NXPE2: variants seen among roughly 807,000 people sequenced by gnomAD.
NXPE2 encodes the protein NXPE family member 2.
A neutral mutation model predicts 34.4 loss-of-function variants in NXPE2; 34 were observed. That is an observed-to-expected ratio of 0.99 (90% CI 0.75 to 1.31). The LOEUF is 1.31. NXPE2 is among the 40% of genes most tolerant of loss of function. The pLI is 0.00. For synonymous variants in NXPE2, 235 were observed against 231.3 expected (o/e 1.02, Z -0.15); for missense variants, 649 against 672.5 (o/e 0.97, Z 0.39).
chr11:114,540,647 T>C, the NXPE2 span, among the ~76,000 whole-genome samples: 1 of 151,912 alleles, frequency 6.6e-6, no homozygotes, highest in South Asian at 2.1e-4. Context: ...GATTGCAATG[T>C]TCAACTCTGA....
At chr11:114,522,574 C>A in the NXPE2 span, 45 of 1,301,858 alleles carry the variant, frequency 3.5e-5, no homozygotes, top group Non-Finnish European at 4.7e-5. Flanking sequence ...AATGTCCTAT[C>A]ATTTAAAATA....
intron 2 of NXPE2, among the ~76,000 whole-genome samples, chr11:114,695,884 G>A (rs916288747): frequency 3.0e-5 from 4 of 135,198 alleles, no homozygotes; most frequent in African/African-American, 1.1e-4. Flanking sequence ...TGGGTGTGGT[G>A]GGGCGCACCT....
intron 2 of NXPE2, among the ~76,000 whole-genome samples, chr11:114,684,440 GA>G (rs890338756): frequency 5.1e-4 from 77 of 150,080 alleles, no homozygotes; most frequent in African/African-American, 1.4e-3. Flanking sequence ...AAAAAGAAAA[GA>G]AAAAAAAATA....
the NXPE2 span, among the ~76,000 whole-genome samples, chr11:114,618,114 C>A: frequency 6.6e-6 from 1 of 151,754 alleles, no homozygotes; most frequent in African/African-American, 2.4e-5. Context: ...TTAAGTGTCG[C>A]CTCGTGGGAA....
At chr11:114,632,961 AT>A in the NXPE2 span, among the ~76,000 whole-genome samples, 4 of 101,976 alleles carry the variant, frequency 3.9e-5, no homozygotes, top group African/African-American at 8.2e-5. Context: ...ATTTTATATA[AT>A]TATATATTAT....
chr11:114,503,030 G>A, the NXPE2 span, among the ~76,000 whole-genome samples: 3 of 151,902 alleles, frequency 2.0e-5, no homozygotes, highest in Non-Finnish European at 4.4e-5. Flanking sequence ...GATTGGGCCT[G>A]AAAGATCACA....
intron 2 of NXPE2, among the ~76,000 whole-genome samples, chr11:114,696,125 C>A (rs1271206001): frequency 6.6e-6 from 1 of 151,524 alleles, no homozygotes; most frequent in East Asian, 1.9e-4. Context: ...TCCCTTAAGC[C>A]CAAGAGTTTA....
At chr11:114,773,213 A>G in the NXPE2 span, among the ~76,000 whole-genome samples, 1 of 151,220 alleles carries the variant, frequency 6.6e-6, no homozygotes, top group African/African-American at 2.4e-5. Flanking sequence ...GGCTCCTTCA[A>G]TGGACTCCAA....
At chr11:114,589,494 A>G in the NXPE2 span, among the ~76,000 whole-genome samples, 164 of 152,204 alleles carry the variant, frequency 1.1e-3, 1 homozygote, top group African/African-American at 3.7e-3. Flanking sequence ...TTGGGGGGAC[A>G]TATTATTTAC....
chr11:114,729,524 C>T, the NXPE2 span, among the ~76,000 whole-genome samples: 1 of 152,140 alleles, frequency 6.6e-6, no homozygotes, highest in African/African-American at 2.4e-5. Flanking sequence ...TACAATCCCA[C>T]CAACAGTGTA....
chr11:114,706,294 G>A, intron 5 of NXPE2, 101 bp from the exon 6 acceptor site: 3 of 1,022,294 alleles, frequency 2.9e-6, no homozygotes, highest in Non-Finnish European at 4.2e-6. Flanking sequence ...ATAGTGCTTA[G>A]TTAGAAGTGA....
At chr11:114,673,469 A>G in the NXPE2 span, among the ~76,000 whole-genome samples, 6 of 151,856 alleles carry the variant, frequency 4.0e-5, no homozygotes, top group East Asian at 1.2e-3. Flanking sequence ...TAAATAAAAT[A>G]TAAAAATCAG....
At position 114,678,549 on chromosome 11, in the gene NXPE2, C is replaced by T. The variant is rs1950884794; in HGVS notation, c.-27C>T. 6.5e-7 allele frequency: 1 copy of T among 1,536,314 alleles called. No individual in the cohort carries two copies. Among genetic ancestry groups the T allele is most frequent in the Non-Finnish European group, 8.8e-7 (1 of 1,133,372 alleles). On this transcript the variant is annotated 5_prime_UTR_variant, in exon 1 of 6. Transcript: ENST00000389586. Reference sequence around the variant, plus strand: ...TTTAATCAAGGAGAGTCTCTGGACACTATAATTCCTGTGAGAACACGAGAA... The same window carrying T: ...TTTAATCAAGGAGAGTCTCTGGACATTATAATTCCTGTGAGAACACGAGAA...
chr11:114,626,147 G>A, the NXPE2 span, among the ~76,000 whole-genome samples: 642 of 152,308 alleles, frequency 4.2e-3, 5 homozygotes, highest in South Asian at 5.6e-3. Flanking sequence ...AAAGCAGCCG[G>A]GAAGCTCGAA....
Position 114,706,508 on chromosome 11 carries a change from A to G in NXPE2, c.1258A>G (p.Lys420Glu), listed in dbSNP as rs565648933. ...WKKHGHPFVT[K>E]KLFSVKDENY... ...AAAACATGGTCATCCATTTGTTACC[A>G]AAAAATTATTCTCAGTGAAAGATGA... The change falls in exon 6 of 6, where the codon AAA becomes GAA. Residue 420 changes from lysine (K) to glutamate (E), a missense_variant. Transcript: ENST00000389586. The G allele has an allele frequency of 6.4e-7, 1 of 1,551,804 alleles. No individual in the cohort carries two copies. The highest frequency in any genetic ancestry group is 2.0e-5 in the Admixed American group (1 of 51,000).
the NXPE2 span, among the ~76,000 whole-genome samples, chr11:114,785,183 A>G: frequency 6.6e-6 from 1 of 152,226 alleles, no homozygotes; most frequent in Non-Finnish European, 1.5e-5. Flanking sequence ...TGGCTTCTGC[A>G]TGAACAAAGC....
chr11:114,701,268 G>C, intron 3 of NXPE2, among the ~76,000 whole-genome samples: 1 of 152,132 alleles, frequency 6.6e-6, no homozygotes, highest in Non-Finnish European at 1.5e-5. Context: ...ATATGTGCCT[G>C]ATTCTATATT....
At chr11:114,534,280 T>A in the NXPE2 span, among the ~76,000 whole-genome samples, 2 of 151,956 alleles carry the variant, frequency 1.3e-5, no homozygotes, top group African/African-American at 4.8e-5. Flanking sequence ...CCAAAACCCA[T>A]CTGTACATAA....
the NXPE2 span, among the ~76,000 whole-genome samples, chr11:114,610,281 T>C: frequency 6.6e-6 from 1 of 151,844 alleles, no homozygotes; most frequent in Non-Finnish European, 1.5e-5. Flanking sequence ...GCCTACCCGG[T>C]GGATAATAAG....
Sources: gnomAD v4.1 joint callset for allele counts (sites outside exome capture counted in the v4.1 genomes callset) on GRCh38, gnomAD v4.1.1 for gene constraint, MANE v1.5 for transcripts, NCBI Gene and HGNC (gene_info 2026-07-23, HGNC 2026-07-21) for gene names.